The following MEIS1 variants were observed in gnomAD, a reference collection of about 807,000 sequenced individuals.
MEIS1 encodes the protein homeobox protein Meis1.
Under a neutral mutation model 50.8 loss-of-function variants are expected in MEIS1, and 5 were observed. That is an observed-to-expected ratio of 0.10 (90% CI 0.05 to 0.21). The LOEUF (loss-of-function observed/expected upper bound fraction) is 0.21. Among genes scored for constraint, MEIS1 ranks in the 10% least tolerant of loss-of-function variants. The probability of loss-of-function intolerance (pLI) is 1.00; values close to 1 mark genes in which losing one functional copy is unlikely to be tolerated. For missense variants in MEIS1, 318 were observed against 517.3 expected (o/e 0.61, Z 3.74); for synonymous variants, 176 against 179.3 (o/e 0.98, Z 0.15).
chr2:66,512,240 C>G lies in MEIS1; in HGVS notation c.834C>G (p.Ile278Met). The G allele has an allele frequency of 6.2e-7, 1 of 1,612,870 alleles. No homozygotes were observed. The highest frequency in any genetic ancestry group is 1.3e-5 in the African/African-American group (1 of 75,004). ...AAAAGCGTCACAAAAAGCGTGGCATCTTTCCCAAAGTAGCCACAAATATCA... is the reference window on the plus strand; with the variant it reads ...AAAAGCGTCACAAAAAGCGTGGCATGTTTCCCAAAGTAGCCACAAATATCA... ...KDKKRHKKRG[I>M]FPKVATNIMR... Residue 278 changes from isoleucine (I) to methionine (M), a missense_variant, in exon 8 of 13, where the codon ATC (isoleucine) becomes ATG (methionine). Coordinates refer to ENST00000272369, the MANE Select transcript of MEIS1 (RefSeq NM_002398.3).
At chr2:66,474,624 T>G (rs1402065139) in intron 7 of MEIS1, among the ~76,000 whole-genome samples, 1 of 152,162 alleles carries the variant, frequency 6.6e-6, no homozygotes, top group Non-Finnish European at 1.5e-5. Context: ...GTCCCAGAAA[T>G]GTAGTTGGTA....
chr2:66,518,279 A>G (rs751263626), intron 8 of MEIS1, among the ~76,000 whole-genome samples: 1 of 152,194 alleles, frequency 6.6e-6, no homozygotes, highest in Non-Finnish European at 1.5e-5. Flanking sequence ...TATGAGTGCA[A>G]TTTTTGTGTG....
At chr2:66,549,582 C>T (rs145581192) in intron 9 of MEIS1, among the ~76,000 whole-genome samples, 130 of 152,036 alleles carry the variant, frequency 8.6e-4, no homozygotes, top group Admixed American at 2.9e-3. Flanking sequence ...ATTTTGCGTG[C>T]ACATCTAGAT....
intron 7 of MEIS1, among the ~76,000 whole-genome samples, chr2:66,488,436 T>C (rs1673192972): frequency 6.6e-6 from 1 of 152,154 alleles, no homozygotes; most frequent in Non-Finnish European, 1.5e-5. Context: ...CCCAGCACTT[T>C]GGGAGGCTGA....
chr2:66,441,209 G>A (rs1359368815), intron 4 of MEIS1, among the ~76,000 whole-genome samples: 1 of 151,770 alleles, frequency 6.6e-6, no homozygotes, highest in Non-Finnish European at 1.5e-5. Context: ...ATGCTGTGTT[G>A]TTGTTTTAGC....
intron 7 of MEIS1, 150 bp from the exon 8 acceptor site, chr2:66,511,999 G>A (rs1673843341): frequency 3.2e-6 from 3 of 952,052 alleles, no homozygotes; most frequent in South Asian, 5.9e-5. Context: ...TCTCTGTCTT[G>A]GAAAACAAAA....
At chr2:66,472,196 A>C (rs1207402494) in intron 7 of MEIS1, among the ~76,000 whole-genome samples, 1 of 152,232 alleles carries the variant, frequency 6.6e-6, no homozygotes, top group Non-Finnish European at 1.5e-5. Flanking sequence ...CTACCCAAGG[A>C]AATAAATAAG....
chr2:66,535,542 C>T (rs761756038), intron 8 of MEIS1, among the ~76,000 whole-genome samples: 14 of 152,116 alleles, frequency 9.2e-5, no homozygotes, highest in African/African-American at 1.4e-4. Context: ...ACATCTGTGC[C>T]GGCATCCGCA....
chr2:66,441,027 C>T (rs1172071364), intron 4 of MEIS1: 3 of 322,680 alleles, frequency 9.3e-6, no homozygotes, highest in Non-Finnish European at 1.7e-5. Flanking sequence ...GCAGCAGAAA[C>T]TTTGCAATGG....
intron 8 of MEIS1, among the ~76,000 whole-genome samples, chr2:66,546,197 G>A (rs1185009214): frequency 6.6e-6 from 1 of 152,176 alleles, no homozygotes; most frequent in Non-Finnish European, 1.5e-5. Context: ...GCGGGGTGCT[G>A]GGAGGTGGGG....
chr2:66,528,664 CTA>C (rs1396561915), intron 8 of MEIS1, among the ~76,000 whole-genome samples: 1 of 152,200 alleles, frequency 6.6e-6, no homozygotes, highest in African/African-American at 2.4e-5. Context: ...GGTCAGTCCT[CTA>C]TGTCTCCAGC....
At chr2:66,466,750 A>G (rs1165914422) in intron 7 of MEIS1, among the ~76,000 whole-genome samples, 1 of 152,260 alleles carries the variant, frequency 6.6e-6, no homozygotes, top group Admixed American at 6.5e-5. Flanking sequence ...TTATAAATCC[A>G]TAAATATGTC....
chr2:66,523,069 C>T (rs943751597), intron 8 of MEIS1, among the ~76,000 whole-genome samples: 3 of 152,160 alleles, frequency 2.0e-5, no homozygotes, highest in South Asian at 4.1e-4. Flanking sequence ...CAGGTGTGAG[C>T]AGTTTCCTAA....
In MEIS1 at chr2:66,439,928, G is replaced by A; in HGVS notation, c.325G>A (p.Gly109Arg). ...CTPREPGVAG[G>R]DVCSSESFNE... ...CCCCCGCGAGCCGGGGGTGGCGGGCGGGGACGTCTGCTCGTCAGAGTCATT... is the reference window on the plus strand; with the variant it reads ...CCCCCGCGAGCCGGGGGTGGCGGGCAGGGACGTCTGCTCGTCAGAGTCATT... Residue 109 changes from glycine to arginine, a missense_variant, in exon 3 of 13, where the codon GGG (glycine) becomes AGG (arginine). This residue lies in a region of MEIS1 where 75 missense variants were observed against 153.7 expected (regional missense o/e 0.49). Coordinates refer to ENST00000272369, the MANE Select transcript of MEIS1 (RefSeq NM_002398.3). 1.9e-6 allele frequency: 3 copies of A among 1,613,534 alleles called. No individual in the cohort carries two copies. The highest frequency in any genetic ancestry group is 2.5e-6 in the Non-Finnish European group (3 of 1,179,736).
Position 66,571,250 on chromosome 2 carries a change from G to A in MEIS1, c.*42G>A. The A allele has an allele frequency of 1.3e-6, 2 of 1,582,854 alleles. No individual in the cohort carries two copies. The highest frequency in any genetic ancestry group is 1.7e-6 in the Non-Finnish European group (2 of 1,165,152). On this transcript the variant is annotated 3_prime_UTR_variant, in exon 13 of 13. Coordinates refer to ENST00000272369, the MANE Select transcript of MEIS1 (RefSeq NM_002398.3). ...TTTCTTTTGAATTTCTTACAGGGCTGCAAAGTATGCCAGGGGAGTATGTAG... is the reference window on the plus strand; with the variant it reads ...TTTCTTTTGAATTTCTTACAGGGCTACAAAGTATGCCAGGGGAGTATGTAG...
intron 8 of MEIS1, among the ~76,000 whole-genome samples, chr2:66,536,242 A>G (rs1176883588): frequency 5.3e-5 from 8 of 152,246 alleles, no homozygotes; most frequent in South Asian, 2.1e-4. Flanking sequence ...CCAAATTTAC[A>G]TACTTTTAAA....
At chr2:66,545,223 A>G (rs1383844485) in intron 8 of MEIS1, among the ~76,000 whole-genome samples, 1 of 152,214 alleles carries the variant, frequency 6.6e-6, no homozygotes, top group African/African-American at 2.4e-5. Context: ...CATATTTATT[A>G]ATTCTATTAA....
At chr2:66,475,205 TATAA>T (rs1237266923) in intron 7 of MEIS1, among the ~76,000 whole-genome samples, 10 of 115,644 alleles carry the variant, frequency 8.6e-5, no homozygotes, top group East Asian at 4.3e-4. Context: ...TGCACACCTA[TATAA>T]ATAAATATGT....
chr2:66,448,626 A>C (rs1672206067), intron 6 of MEIS1, among the ~76,000 whole-genome samples: 1 of 152,214 alleles, frequency 6.6e-6, no homozygotes, highest in South Asian at 2.1e-4. Flanking sequence ...CATTGCAACA[A>C]CAATATTTTC....
Sources: allele counts gnomAD v4.1 joint callset (sites outside exome capture counted in the v4.1 genomes callset), GRCh38; gene constraint gnomAD v4.1.1; regional missense constraint gnomAD v4.1.1; transcripts MANE v1.5; gene names NCBI Gene and HGNC (gene_info 2026-07-23, HGNC 2026-07-21).